The following TMEM62 variants were observed in gnomAD, a reference collection of about 807,000 sequenced individuals.
TMEM62 encodes the protein transmembrane protein 62.
A neutral mutation model predicts 70.4 loss-of-function variants in TMEM62; 41 were observed. The ratio of observed to expected loss-of-function variants is 0.58; its 90% CI spans 0.45 to 0.76. TMEM62 has a LOEUF of 0.76. Ranked by LOEUF, TMEM62 falls within the 30% of genes least tolerant of loss-of-function variation. TMEM62 has a pLI of 0.00. For missense variants in TMEM62, 688 were observed against 788.5 expected (o/e 0.87, Z 1.53); for synonymous variants, 268 against 291.0 (o/e 0.92, Z 0.80).
At chr15:43,169,944 C>A (rs1175149520) in intron 11 of TMEM62, 1 of 294,402 alleles carries the variant, frequency 3.4e-6, no homozygotes. Flanking sequence ...GTTGGGATAT[C>A]TTGAAGTGGG....
chr15:43,183,994 G>A, intron 13 of TMEM62: 1 of 495,518 alleles, frequency 2.0e-6, no homozygotes, highest in Non-Finnish European at 3.6e-6. Context: ...ACACCATTGG[G>A]TATTAACTGT....
chr15:43,141,034 C>T (rs2035932223), intron 4 of TMEM62, among the ~76,000 whole-genome samples: 1 of 152,210 alleles, frequency 6.6e-6, no homozygotes, highest in South Asian at 2.1e-4. Context: ...CTAGCACCAT[C>T]AAAGCCCAGT....
At chr15:43,157,325 T>C (rs2038160316) in intron 9 of TMEM62, among the ~76,000 whole-genome samples, 1 of 152,276 alleles carries the variant, frequency 6.6e-6, no homozygotes, top group South Asian at 2.1e-4. Context: ...TCTCTCCAGG[T>C]GATTCTGATG....
intron 3 of TMEM62, among the ~76,000 whole-genome samples, chr15:43,136,264 A>G (rs954596124): frequency 6.6e-6 from 1 of 152,190 alleles, no homozygotes; most frequent in Admixed American, 6.5e-5. Context: ...ACTGCAAACA[A>G]GCATCATGGA....
At chr15:43,155,674 T>G (rs1387017582) in intron 9 of TMEM62, among the ~76,000 whole-genome samples, 6 of 152,160 alleles carry the variant, frequency 3.9e-5, no homozygotes, top group Admixed American at 1.3e-4. Flanking sequence ...CTTCCAACTT[T>G]GCCCAGAATC....
chr15:43,152,733 A>T (rs552993051), intron 8 of TMEM62, among the ~76,000 whole-genome samples: 2 of 152,188 alleles, frequency 1.3e-5, no homozygotes, highest in Non-Finnish European at 2.9e-5. Context: ...TCCAAATGGG[A>T]CATTAACATT....
At chr15:43,159,733 C>T (rs1305258102) in intron 9 of TMEM62, among the ~76,000 whole-genome samples, 1 of 152,088 alleles carries the variant, frequency 6.6e-6, no homozygotes, top group Non-Finnish European at 1.5e-5. Context: ...TGTGCACTTC[C>T]TATTCAAGAA....
At chr15:43,153,896 T>A (rs2037722115) in intron 8 of TMEM62, among the ~76,000 whole-genome samples, 1 of 152,236 alleles carries the variant, frequency 6.6e-6, no homozygotes, top group South Asian at 2.1e-4. Context: ...ATTATCTGTT[T>A]AATTTTTTAA....
chr15:43,146,641 T>TA lies in TMEM62; in HGVS notation c.618+12dup. On this transcript the variant is annotated splice_region_variant and intron_variant, in intron 5 of 13. Transcript: ENST00000260403. ...CTTTGGAATTTTAGATAAGGTGCAGTAAAAATCTTACTTCCCTTTGTAGCT... is the reference window on the plus strand; with the variant it reads ...CTTTGGAATTTTAGATAAGGTGCAGTAAAAAATCTTACTTCCCTTTGTAGCT... The TA allele has an allele frequency of 6.2e-7, 1 of 1,602,910 alleles. No homozygotes were observed. The highest frequency in any genetic ancestry group is 8.5e-7 in the Non-Finnish European group (1 of 1,175,880).
chr15:43,142,455 G>A (rs950571590), intron 4 of TMEM62, among the ~76,000 whole-genome samples: 8 of 151,854 alleles, frequency 5.3e-5, no homozygotes, highest in African/African-American at 9.7e-5. Flanking sequence ...GAGCCACCGC[G>A]CCCGGCCAAG....
chr15:43,160,894 G>A (rs909516739), intron 10 of TMEM62, 100 bp downstream of exon 10: 1 of 544,356 alleles, frequency 1.8e-6, no homozygotes, highest in Admixed American at 3.2e-5. Context: ...CATGGTTTCA[G>A]TTACCGAAGG....
At chr15:43,135,183 A>C (rs1358860811) in intron 2 of TMEM62, among the ~76,000 whole-genome samples, 1 of 152,260 alleles carries the variant, frequency 6.6e-6, no homozygotes, top group African/African-American at 2.4e-5. Flanking sequence ...CACTCAGAGT[A>C]CTGGAATTTC....
chr15:43,181,084 A>G (rs2041284786), intron 12 of TMEM62, 97 bp from the exon 13 acceptor site: 2 of 817,934 alleles, frequency 2.4e-6, no homozygotes, highest in South Asian at 1.5e-5. Context: ...GGCTAGTCTC[A>G]TATCTCTGCT....
chr15:43,151,423 G>A (rs2037377035), intron 7 of TMEM62, among the ~76,000 whole-genome samples: 1 of 152,134 alleles, frequency 6.6e-6, no homozygotes, highest in Admixed American at 6.5e-5. Context: ...TTGTTGATGG[G>A]ATGAAGAATG....
chr15:43,167,251 C>T (rs532258967), intron 10 of TMEM62, among the ~76,000 whole-genome samples: 40 of 151,516 alleles, frequency 2.6e-4, no homozygotes, highest in Non-Finnish European at 5.0e-4. Context: ...GGCGGCTGGC[C>T]GAGCGGGGGG....
At position 43,184,578 on chromosome 15, in the gene TMEM62, A is replaced by G. The variant is rs1371019658; in HGVS notation, c.1924A>G (p.Ser642Gly). ...CATGGTGCAGTTAAAAAGCCACCTG[A>G]GCTCCTGAAGGCCATGTCTCACCAC... ...IFMVQLKSHL[S>G]S Residue 642 changes from serine to glycine, a missense_variant, in exon 14 of 14, where the codon AGC becomes GGC. Transcript: ENST00000260403. 15 of 1,609,090 alleles carry G rather than the reference A, an allele frequency of 9.3e-6. No individual in the cohort carries two copies. Among genetic ancestry groups the G allele is most frequent in the Non-Finnish European group, 1.3e-5 (15 of 1,179,870 alleles).
At chr15:43,175,528 G>A (rs953917521) in intron 11 of TMEM62, among the ~76,000 whole-genome samples, 5 of 152,200 alleles carry the variant, frequency 3.3e-5, no homozygotes, top group Admixed American at 6.5e-5. Context: ...AGGATCTGTG[G>A]TACTGTAGAC....
chr15:43,161,620 ATG>A (rs888910196), intron 10 of TMEM62, among the ~76,000 whole-genome samples: 1 of 152,000 alleles, frequency 6.6e-6, no homozygotes, highest in Non-Finnish European at 1.5e-5. Context: ...GTATATATAT[ATG>A]TGTGTGTGTA....
chr15:43,174,343 A>G (rs1446415632), intron 11 of TMEM62, among the ~76,000 whole-genome samples: 10 of 152,228 alleles, frequency 6.6e-5, no homozygotes, highest in Non-Finnish European at 1.2e-4. Context: ...TGTAGTAATG[A>G]TTAAACAGTA....
Sources: allele counts gnomAD v4.1 joint callset (sites outside exome capture counted in the v4.1 genomes callset), GRCh38; gene constraint gnomAD v4.1.1; transcripts MANE v1.5; gene names NCBI Gene and HGNC (gene_info 2026-07-23, HGNC 2026-07-21).